CCND3: variants seen among roughly 807,000 people sequenced by gnomAD.
CCND3 encodes the protein G1/S-specific cyclin-D3.
CCND3 carries 9 observed loss-of-function variants against 28.7 expected under a neutral mutation model. The ratio of observed to expected loss-of-function variants is 0.31; its 90% CI spans 0.19 to 0.55. The LOEUF (loss-of-function observed/expected upper bound fraction) is 0.55, where lower values mean the gene tolerates loss of function less well. Among genes scored for constraint, CCND3 ranks in the 20% least tolerant of loss-of-function variants. CCND3 has a pLI of 0.93. For synonymous variants in CCND3, 164 were observed against 163.9 expected (o/e 1.00, Z 0.00); for missense variants, 315 against 385.8 (o/e 0.82, Z 1.54).
At chr6:42,018,753 T>C (rs1016042434) in intron 1 of CCND3, among the ~76,000 whole-genome samples, 2 of 151,720 alleles carry the variant, frequency 1.3e-5, no homozygotes, top group African/African-American at 4.8e-5. Context: ...TAACCAGGTA[T>C]GGTGGCACAT....
chr6:41,945,910 G>A (rs530401551), upstream of CCND3, among the ~76,000 whole-genome samples: 1 of 152,324 alleles, frequency 6.6e-6, no homozygotes, highest in East Asian at 1.9e-4. Flanking sequence ...CCTTTCTCAA[G>A]GAGTACCCTT....
intron 1 of CCND3, among the ~76,000 whole-genome samples, chr6:42,044,433 T>C (rs1397554120): frequency 1.3e-5 from 2 of 151,560 alleles, no homozygotes; most frequent in Non-Finnish European, 2.9e-5. Context: ...GGCCAGGGAG[T>C]ATGGGAGAGC....
intron 1 of CCND3, among the ~76,000 whole-genome samples, chr6:41,975,008 C>T (rs552688130): frequency 6.6e-6 from 1 of 151,818 alleles, no homozygotes; most frequent in African/African-American, 2.4e-5. Context: ...TGGCCAGGCT[C>T]GTCTCAAACT....
chr6:42,047,031 A>G (rs1228800629), intron 1 of CCND3, among the ~76,000 whole-genome samples: 2 of 152,220 alleles, frequency 1.3e-5, no homozygotes, highest in Non-Finnish European at 2.9e-5. Context: ...CCTACCTCAT[A>G]GGACTATATT....
At chr6:41,980,131 ATT>A (rs61407287) in intron 1 of CCND3, among the ~76,000 whole-genome samples, 2 of 146,858 alleles carry the variant, frequency 1.4e-5, no homozygotes, top group African/African-American at 5.0e-5. Context: ...GTTTACTGGA[ATT>A]TTTTTTTTTT....
intron 1 of CCND3, among the ~76,000 whole-genome samples, chr6:41,965,194 C>T (rs992063675): frequency 3.3e-5 from 5 of 151,044 alleles, no homozygotes; most frequent in Admixed American, 6.6e-5. Context: ...CTCAGCATCC[C>T]GAGTAGCTGG....
In CCND3 at chr6:42,048,636, C is replaced by A. The variant is rs553528483; in HGVS notation, c.-181G>T. 3.0e-4 allele frequency: 158 copies of A among 518,324 alleles called. No individual in the cohort carries two copies. Among genetic ancestry groups the A allele is most frequent in the Middle Eastern group, 3.2e-4 (1 of 3,142 alleles). 32.1% of individuals were successfully genotyped at this position (518,324 alleles called of 1,614,324 possible). ...GAGGAGAGGATTGCACCTCTCCCCC[C>A]CGGCCGGCATCCGAACAGAGCCAGT... is the stretch of plus-strand genomic sequence containing the variant. On this transcript the variant is annotated 5_prime_UTR_variant, in exon 1 of 5. Coordinates refer to the CCND3 transcript ENST00000372988. This position sits in a 1 kb window ranked among gnomAD's most constrained non-coding sequence, Gnocchi z 4.7.
intron 1 of CCND3, among the ~76,000 whole-genome samples, chr6:42,044,074 A>G (rs1285180569): frequency 1.3e-5 from 2 of 152,186 alleles, no homozygotes; most frequent in Admixed American, 1.3e-4. Context: ...CTCTGGGCAC[A>G]CGGGTCCCTC....
rs553752125 is a variant in CCND3 at position 41,939,233 on chromosome 6, C to T, written c.414+1137G>A. Among the ~76,000 whole-genome samples the T allele has an allele frequency of 7.6e-4, 116 of 152,210 alleles. No individual in the cohort carries two copies. The highest frequency in any genetic ancestry group is 2.5e-3 in the South Asian group (12 of 4,820). On this transcript the variant is annotated intron_variant, in intron 2 of 4. Coordinates refer to ENST00000372991, the MANE Select transcript of CCND3 (RefSeq NM_001760.5). The surrounding 1 kb of genome is among the most constrained non-coding windows in gnomAD (Gnocchi z 4.2). ...ATCCTGTTCCTCGACTCACAGCAGT[C>T]GGGGGCCCCAGTACCCTGGCTTCCC...
In CCND3 at chr6:41,936,287, A is replaced by T; in HGVS notation, c.712-180T>A. 1.4e-6 allele frequency: 1 copy of T among 715,314 alleles called. No individual in the cohort carries two copies. The highest frequency in any genetic ancestry group is 2.2e-6 in the Non-Finnish European group (1 of 444,968). 44.3% of individuals were successfully genotyped at this position (715,314 alleles called of 1,614,324 possible). A position where few individuals can be genotyped will look rare whatever the true frequency, so the allele number is the denominator to read the frequency against. On this transcript the variant is annotated intron_variant, in intron 4 of 4. Transcript: ENST00000372991. The surrounding 1 kb of genome is among the most constrained non-coding windows in gnomAD (Gnocchi z 4.4). ...CAAGAGGATGTGGCAAGGGAGTGTG[A>T]GAGCAGCCCTGCATCTGACACCAAA...
At chr6:42,021,975 G>A (rs931250165) in intron 1 of CCND3, among the ~76,000 whole-genome samples, 2 of 152,168 alleles carry the variant, frequency 1.3e-5, no homozygotes, top group Non-Finnish European at 1.5e-5. Context: ...GAAGAGAGAC[G>A]GAGAAGAAAT....
chr6:42,034,147 CTTTTT>C (rs529799896), intron 1 of CCND3, among the ~76,000 whole-genome samples: 1 of 137,642 alleles, frequency 7.3e-6, no homozygotes, highest in African/African-American at 2.7e-5. Context: ...AAGACCCTGT[CTTTTT>C]TTTTTTTTTT....
At chr6:42,035,022 T>C (rs1764164624) in intron 1 of CCND3, among the ~76,000 whole-genome samples, 1 of 152,182 alleles carries the variant, frequency 6.6e-6, no homozygotes, top group South Asian at 2.1e-4. Flanking sequence ...TGATGGTAAA[T>C]GGTAATGGCC....
chr6:41,989,690 G>A (rs1762596361), intron 1 of CCND3, among the ~76,000 whole-genome samples: 2 of 152,270 alleles, frequency 1.3e-5, no homozygotes, highest in South Asian at 4.1e-4. Context: ...GTGCTGGTGA[G>A]AATGTGAAGC....
In CCND3 at chr6:41,987,497, CTCTCTCTCTCTCTCTCTCTCTG is replaced by C. The variant is rs1405092135; in HGVS notation, c.-45-46934_-45-46913del. On this transcript the variant is annotated intron_variant, in intron 1 of 4. Coordinates refer to the CCND3 transcript ENST00000372988. ...GGCTTTTCTCTCTCTCTCTCTCTCT[CTCTCTCTCTCTCTCTCTCTCTG>C]TGTGTGTGTGTGTGTGTGTGTGTGT... is the stretch of plus-strand genomic sequence containing the variant. 4.8e-5 allele frequency among the ~76,000 whole-genome samples: 4 copies of C among 82,970 alleles called. No homozygotes were observed. The East Asian group carries it at 1.2e-3, about 24-fold the overall frequency. 54.4% of individuals were successfully genotyped at this position (82,970 alleles called of 152,430 possible).
chr6:41,936,866 G>C lies in CCND3; in HGVS notation c.575-171C>G. 1 of 661,402 alleles carries C rather than the reference G, an allele frequency of 1.5e-6. No individual in the cohort carries two copies. The highest frequency in any genetic ancestry group is 2.6e-6 in the Non-Finnish European group (1 of 390,416). 41.0% of individuals were successfully genotyped at this position (661,402 alleles called of 1,614,324 possible). A position where few individuals can be genotyped will look rare whatever the true frequency, so the allele number is the denominator to read the frequency against. Reference sequence around the variant, plus strand: ...ATCAGCAAGGGAGGAAGACAGGAAAGAGTATCTTTCCTAGAGATCAGAACC... The same window carrying C: ...ATCAGCAAGGGAGGAAGACAGGAAACAGTATCTTTCCTAGAGATCAGAACC... On this transcript the variant is annotated intron_variant, in intron 3 of 4. Transcript: ENST00000372991. This position sits in a 1 kb window ranked among gnomAD's most constrained non-coding sequence, Gnocchi z 4.4.
At chr6:41,947,295 C>G (rs1582095966) in intron 1 of CCND3, among the ~76,000 whole-genome samples, 2 of 152,122 alleles carry the variant, frequency 1.3e-5, no homozygotes, top group African/African-American at 4.8e-5. Flanking sequence ...TTAGGCAGCA[C>G]TACCAAATCA....
chr6:42,008,583 G>A (rs1763246339), intron 1 of CCND3, among the ~76,000 whole-genome samples: 1 of 152,200 alleles, frequency 6.6e-6, no homozygotes, highest in African/African-American at 2.4e-5. Flanking sequence ...TACAAAGTAA[G>A]ATGGGCTTGT....
chr6:42,019,228 C>A (rs1356828927), intron 1 of CCND3, among the ~76,000 whole-genome samples: 1 of 152,192 alleles, frequency 6.6e-6, no homozygotes, highest in Non-Finnish European at 1.5e-5. Context: ...TGGCTCCCAC[C>A]TGTAATCCCA....
Sources: gnomAD v4.1 joint callset for allele counts (sites outside exome capture counted in the v4.1 genomes callset) on GRCh38, gnomAD v4.1.1 for gene constraint, Gnocchi (gnomAD v3.1) non-coding constraint, MANE v1.5 for transcripts, NCBI Gene and HGNC (gene_info 2026-07-23, HGNC 2026-07-21) for gene names.